KRT86: variants seen among roughly 807,000 people sequenced by gnomAD.
KRT86 encodes the protein keratin 86.
KRT86 carries 30 observed loss-of-function variants against 41.2 expected under a neutral mutation model. That is an observed-to-expected ratio of 0.73 (90% CI 0.54 to 0.99). The LOEUF (loss-of-function observed/expected upper bound fraction) is 0.99. KRT86 is among the 50% of genes least tolerant of loss of function. KRT86 has a pLI of 0.00. For missense variants in KRT86, 561 were observed against 571.4 expected (o/e 0.98, Z 0.19); for synonymous variants, 238 against 238.1 (o/e 1.00, Z 0.00).
chr12:52,301,429 C>T (rs1255809671), intron 2 of KRT86, among the ~76,000 whole-genome samples: 1 of 151,958 alleles, frequency 6.6e-6, no homozygotes, highest in Admixed American at 6.6e-5. Context: ...CCAAGTTCCA[C>T]ATCAAGGGAT....
intron 2 of KRT86, among the ~76,000 whole-genome samples, chr12:52,282,692 G>C (rs1052862986): frequency 4.6e-5 from 7 of 152,162 alleles, no homozygotes; most frequent in Non-Finnish European, 8.8e-5. Flanking sequence ...CACCTCCCTA[G>C]TATGACCCCC....
intron 2 of KRT86, chr12:52,287,532 C>T (rs1937987161): frequency 6.2e-7 from 1 of 1,613,780 alleles, no homozygotes; most frequent in African/African-American, 1.3e-5. Context: ...GTAGGGCACA[C>T]ATAGGCTGTG....
At chr12:52,283,437 G>T (rs1224201633) in intron 2 of KRT86, among the ~76,000 whole-genome samples, 1 of 127,608 alleles carries the variant, frequency 7.8e-6, no homozygotes, top group Admixed American at 7.9e-5. Context: ...GCTTTAAATT[G>T]GTAAGGGATG....
chr12:52,308,338 G>A (rs778336780), intron 10 of KRT86, 66 bp from the exon 11 acceptor site: 2 of 1,612,504 alleles, frequency 1.2e-6, no homozygotes, highest in African/African-American at 1.3e-5. Context: ...GCGTGGGCTC[G>A]CAGCAAAGCC....
intron 2 of KRT86, among the ~76,000 whole-genome samples, chr12:52,296,765 T>A (rs1938260709): frequency 6.6e-6 from 1 of 152,140 alleles, no homozygotes; most frequent in Non-Finnish European, 1.5e-5. Context: ...CCTCTCAACT[T>A]CCTTCACTGG....
rs1938484847 is a variant in KRT86 at position 52,305,380 on chromosome 12, G to A, written c.876G>A (p.Glu292=). The A allele has an allele frequency of 6.2e-7, 1 of 1,614,242 alleles. No homozygotes were observed. The highest frequency in any genetic ancestry group is 8.5e-7 in the Non-Finnish European group (1 of 1,180,048). The change falls in exon 7 of 11, where the codon GAG becomes GAA. Residue 292 remains glutamate, a synonymous_variant. Transcript: ENST00000423955. ...ACATTGTCACCCGTAGCCGGGCTGA[G>A]GCCGAGTCCTGGTACCGCAGCAAGG... The part of the protein sequence containing the change: ...YDDIVTRSRA[E]AESWYRSKCE...
rs376051219 is a variant in KRT86 at position 52,306,140 on chromosome 12, C to G, written c.1107C>G (p.Ala369=). 2.5e-6 allele frequency: 4 copies of G among 1,613,842 alleles called. No homozygotes were observed. The highest frequency in any genetic ancestry group is 2.5e-6 in the Non-Finnish European group (3 of 1,180,040). ...AALSDARCKL[A]ELEGALQKAK... ...TCAGCGATGCCCGCTGCAAGTTGGC[C>G]GAGCTGGAGGGTGCCCTGCAGAAGG... is the stretch of plus-strand genomic sequence containing the variant. The change falls in exon 9 of 11, where the codon GCC becomes GCG. Residue 369 remains alanine, a synonymous_variant. Coordinates refer to ENST00000423955, the MANE Select transcript of KRT86 (RefSeq NM_001320198.2).
At chr12:52,286,750 G>A in intron 2 of KRT86, 1 of 1,597,316 alleles carries the variant, frequency 6.3e-7, no homozygotes. Flanking sequence ...TCCATCACAG[G>A]TAGTTAGTAA....
chr12:52,297,674 C>T (rs755935047), intron 2 of KRT86, among the ~76,000 whole-genome samples: 25 of 152,296 alleles, frequency 1.6e-4, no homozygotes, highest in Middle Eastern at 3.4e-3. Context: ...TCTTTTGGTT[C>T]ACCTTGTCTC....
chr12:52,300,465 A>G (rs2121290943), intron 2 of KRT86, among the ~76,000 whole-genome samples: 1 of 152,300 alleles, frequency 6.6e-6, no homozygotes, highest in South Asian at 2.1e-4. Flanking sequence ...GAGCATGTAC[A>G]CATTTCTGTA....
chr12:52,286,675 G>C, intron 2 of KRT86: 2 of 1,269,154 alleles, frequency 1.6e-6, no homozygotes, highest in Non-Finnish European at 2.3e-6. Context: ...AATCCCTCCT[G>C]TTGTGATGCC....
At chr12:52,285,497 C>T (rs1468822522) in intron 2 of KRT86, among the ~76,000 whole-genome samples, 1 of 152,180 alleles carries the variant, frequency 6.6e-6, no homozygotes, top group Non-Finnish European at 1.5e-5. Flanking sequence ...GTGATGTTGC[C>T]TCAAGCTTTG....
At chr12:52,275,622 G>T (rs1023173471) in intron 1 of KRT86, among the ~76,000 whole-genome samples, 199 bp from the exon 2 acceptor site, 2 of 152,108 alleles carry the variant, frequency 1.3e-5, no homozygotes, top group African/African-American at 4.8e-5. Context: ...GCATCTTCTG[G>T]CCCCATGGGC....
At chr12:52,287,754 G>A (rs749952380) in intron 2 of KRT86, 23 of 1,613,982 alleles carry the variant, frequency 1.4e-5, no homozygotes, top group Admixed American at 5.0e-5. Flanking sequence ...TGAGGTTCAG[G>A]GTGGGACCTC....
intron 2 of KRT86, among the ~76,000 whole-genome samples, chr12:52,292,219 A>G (rs761660976): frequency 1.4e-4 from 21 of 152,236 alleles, no homozygotes; most frequent in Non-Finnish European, 3.1e-4. Flanking sequence ...ACATTATACC[A>G]TATTTGCTTT....
chr12:52,306,229 T>G lies in KRT86; in HGVS notation c.1196T>G (p.Leu399Arg). ...YQEVMNSKLG[L>R]DIEIATYRRL... ...GAGGTGATGAACTCCAAGCTGGGCC[T>G]GGACATCGAGATCGCCACCTACAGG... Residue 399 changes from leucine (L) to arginine (R), a missense_variant, in exon 9 of 11, where the codon CTG becomes CGG. Coordinates refer to ENST00000423955, the MANE Select transcript of KRT86 (RefSeq NM_001320198.2). 6.2e-7 allele frequency: 1 copy of G among 1,613,722 alleles called. No individual in the cohort carries two copies. Among genetic ancestry groups the G allele is most frequent in the Non-Finnish European group, 8.5e-7 (1 of 1,180,024 alleles).
chr12:52,305,479 C>A, intron 7 of KRT86, 75 bp downstream of exon 7: 3 of 1,612,150 alleles, frequency 1.9e-6, no homozygotes, highest in Non-Finnish European at 2.5e-6. Flanking sequence ...AATAGGCTTC[C>A]TTTTCTGGGG....
chr12:52,291,316 C>G lies in KRT86; in HGVS notation c.-4-10597C>G, dbSNP rs1040620475. ...AGGAGCCGGCCCGAAAGCCTCCGCA[C>G]ACGCTGTGGCTGCCGAAGCCCCCGG... is the stretch of plus-strand genomic sequence containing the variant. On this transcript the variant is annotated intron_variant, in intron 2 of 10. Transcript: ENST00000423955. 15 of 1,550,324 alleles carry G rather than the reference C, an allele frequency of 9.7e-6. No individual in the cohort carries two copies. In the East Asian group the frequency reaches 1.9e-4, roughly 20 times the overall value.
chr12:52,302,225 G>A lies in KRT86; in HGVS notation c.309G>A (p.Lys103=), dbSNP rs1384733721. 1 of 1,109,196 alleles carries A rather than the reference G, an allele frequency of 9.0e-7. No individual in the cohort carries two copies. The highest frequency in any genetic ancestry group is 1.3e-6 in the Non-Finnish European group (1 of 793,992). 68.7% of individuals were successfully genotyped at this position (1,109,196 alleles called of 1,614,324 possible). The change falls in exon 3 of 11, where the codon AAG becomes AAA. Residue 103 remains lysine (K), a synonymous_variant. Transcript: ENST00000423955. ...TCGACCCCAACGCGCAGTGCGTGAAGCAGGAGGAGAAGGAGCAGATCAAGT... is the reference window on the plus strand; with the variant it reads ...TCGACCCCAACGCGCAGTGCGTGAAACAGGAGGAGAAGGAGCAGATCAAGT... ...LEIDPNAQCV[K]QEEKEQIKSL...
Sources: allele counts gnomAD v4.1 joint callset (sites outside exome capture counted in the v4.1 genomes callset), GRCh38; gene constraint gnomAD v4.1.1; transcripts MANE v1.5; gene names NCBI Gene and HGNC (gene_info 2026-07-23, HGNC 2026-07-21).